CFAP300: variants seen among roughly 807,000 people sequenced by gnomAD.
CFAP300 encodes cilia and flagella associated protein 300.
In CFAP300, 32 loss-of-function variants were observed where a neutral mutation model predicts 33.0. The observed-to-expected ratio is 0.97, with a 90% CI of 0.73 to 1.30. CFAP300 has a LOEUF of 1.30. Among genes scored for constraint, CFAP300 ranks in the 50% most tolerant of loss-of-function variants. The probability of loss-of-function intolerance (pLI) is 0.00; values close to 1 mark genes in which losing one functional copy is unlikely to be tolerated. For synonymous variants in CFAP300, 102 were observed against 106.8 expected (o/e 0.95, Z 0.28); for missense variants, 356 against 318.1 (o/e 1.12, Z -0.90).
intron 4 of CFAP300, among the ~76,000 whole-genome samples, chr11:102,067,426 T>C (rs934417536): frequency 4.6e-5 from 7 of 152,156 alleles, no homozygotes; most frequent in Non-Finnish European, 8.8e-5. Context: ...TCATTGCTAA[T>C]ATCAACAAAG....
At chr11:102,047,750 G>C (rs1941904252) in intron 1 of CFAP300, 65 bp from the exon 2 acceptor site, 7 of 1,570,024 alleles carry the variant, frequency 4.5e-6, no homozygotes, top group Non-Finnish European at 6.1e-6. Context: ...GGGTGGGATC[G>C]GTTATCGGTG....
Position 102,058,890 on chromosome 11 carries a change from A to G in CFAP300, c.203A>G (p.Lys68Arg), listed in dbSNP as rs772084476. The change falls in exon 3 of 7, where the codon AAA becomes AGA. Residue 68 changes from lysine (K) to arginine (R), a missense_variant. Physicochemically the swap from Lys to Arg is conservative, Grantham distance 26 (BLOSUM62 2). Transcript: ENST00000434758. Reference sequence around the variant, plus strand: ...AAATTTGTATTTTAGGCTTTTTTCAAAGACCCAAATGTTATTCCCAATTTG... The same window carrying G: ...AAATTTGTATTTTAGGCTTTTTTCAGAGACCCAAATGTTATTCCCAATTTG... ...RKDDFVMAFF[K>R]DPNVIPNLKL... 2 of 1,576,858 alleles carry G rather than the reference A, an allele frequency of 1.3e-6. No individual in the cohort carries two copies. The highest frequency in any genetic ancestry group is 2.7e-5 in the African/African-American group (2 of 73,650).
At chr11:102,078,847 T>C (rs1183734891) in intron 5 of CFAP300, among the ~76,000 whole-genome samples, 1 of 152,220 alleles carries the variant, frequency 6.6e-6, no homozygotes, top group Non-Finnish European at 1.5e-5. Flanking sequence ...TAACTGGGAC[T>C]ACAGGCGCAT....
At chr11:102,055,920 C>T (rs1209730497) in intron 2 of CFAP300, among the ~76,000 whole-genome samples, 4 of 152,010 alleles carry the variant, frequency 2.6e-5, no homozygotes, top group Admixed American at 1.3e-4. Flanking sequence ...CCGCCCGCCT[C>T]GGCCTCCCAA....
chr11:102,080,520 C>T (rs546054922), intron 5 of CFAP300, among the ~76,000 whole-genome samples: 44 of 152,088 alleles, frequency 2.9e-4, no homozygotes, highest in East Asian at 1.5e-3. Flanking sequence ...CAGGTTCAAG[C>T]GATTCTTCTG....
chr11:102,052,694 A>G (rs1941989003), intron 2 of CFAP300, among the ~76,000 whole-genome samples: 1 of 152,186 alleles, frequency 6.6e-6, no homozygotes, highest in African/African-American at 2.4e-5. Flanking sequence ...GAGGAATCCA[A>G]GGAGTCATCT....
At chr11:102,075,192 C>T (rs1010573922) in intron 4 of CFAP300, among the ~76,000 whole-genome samples, 1 of 152,122 alleles carries the variant, frequency 6.6e-6, no homozygotes, top group Non-Finnish European at 1.5e-5. Flanking sequence ...CCTTTTTATA[C>T]CCACTACAAT....
chr11:102,083,198 A>G lies in CFAP300; in HGVS notation c.803A>G (p.Ter268=). ...TGTTATGGTGTGGGAGACATGTCTT[A>G]ATGTTCTTTCAGATTATGTACCTCT... is the stretch of plus-strand genomic sequence containing the variant. The part of the protein sequence containing the change: ...YHCYGVGDMS[*] Residue 268 remains the stop codon, a stop_retained_variant, in exon 7 of 7, where the codon TAA becomes TGA. Transcript: ENST00000434758. 6.7e-7 allele frequency: 1 copy of G among 1,485,578 alleles called. No individual in the cohort carries two copies. Among genetic ancestry groups the G allele is most frequent in the Non-Finnish European group, 9.0e-7 (1 of 1,110,294 alleles). 92.0% of individuals were successfully genotyped at this position (1,485,578 alleles called of 1,614,324 possible). A position where few individuals can be genotyped will look rare whatever the true frequency, so the allele number is the denominator to read the frequency against.
chr11:102,050,087 A>G (rs1390907608), intron 2 of CFAP300, among the ~76,000 whole-genome samples: 1 of 152,024 alleles, frequency 6.6e-6, no homozygotes, highest in Non-Finnish European at 1.5e-5. Flanking sequence ...CTATGATCGC[A>G]CCTCTGCACC....
At chr11:102,068,513 G>A (rs1342645115) in intron 4 of CFAP300, among the ~76,000 whole-genome samples, 1 of 152,182 alleles carries the variant, frequency 6.6e-6, no homozygotes, top group African/African-American at 2.4e-5. Context: ...ATGGCTGGGC[G>A]TGGTGGCTTA....
Position 102,077,114 on chromosome 11 carries a change from G to A in CFAP300, c.608+1069G>A, listed in dbSNP as rs138691265. ...CACACACACACACGCACTCATGCAC[G>A]TACACACATACTACTACCACTACTA... On this transcript the variant is annotated intron_variant, in intron 5 of 6. Coordinates refer to ENST00000434758, the MANE Select transcript of CFAP300 (RefSeq NM_032930.3). Among the ~76,000 whole-genome samples the A allele has an allele frequency of 6.0e-3, 912 of 151,868 alleles. 5 individuals carry two copies. Among genetic ancestry groups the A allele is most frequent in the Non-Finnish European group, 0.011 (758 of 67,928 alleles).
intron 5 of CFAP300, among the ~76,000 whole-genome samples, chr11:102,080,664 T>G (rs574995554): frequency 3.3e-5 from 5 of 152,296 alleles, no homozygotes; most frequent in Non-Finnish European, 7.4e-5. Flanking sequence ...CCTCCCAAAG[T>G]GCTGAGATTA....
chr11:102,079,789 G>T (rs1942448637), intron 5 of CFAP300, among the ~76,000 whole-genome samples: 1 of 152,138 alleles, frequency 6.6e-6, no homozygotes, highest in Non-Finnish European at 1.5e-5. Context: ...GAGTGTATAG[G>T]TCTGGGATGA....
intron 2 of CFAP300, among the ~76,000 whole-genome samples, chr11:102,056,053 A>G (rs2135018326): frequency 6.6e-6 from 1 of 152,254 alleles, no homozygotes; most frequent in African/African-American, 2.4e-5. Context: ...TTTATTTAGT[A>G]AGTGCTATAT....
chr11:102,069,579 G>A (rs1942279217), intron 4 of CFAP300, among the ~76,000 whole-genome samples: 2 of 152,104 alleles, frequency 1.3e-5, no homozygotes, highest in Admixed American at 6.6e-5. Flanking sequence ...GAGGCGGGTG[G>A]ATCACTTGAG....
At chr11:102,058,627 T>G (rs1942094489) in intron 2 of CFAP300, among the ~76,000 whole-genome samples, 1 of 151,002 alleles carries the variant, frequency 6.6e-6, no homozygotes, top group Admixed American at 6.7e-5. Flanking sequence ...AACCTCCTAA[T>G]GTTTACTCTA....
At position 102,077,900 on chromosome 11, in the gene CFAP300, A is replaced by AT. The variant is rs200306757; in HGVS notation, c.608+1863dup. On this transcript the variant is annotated intron_variant, in intron 5 of 6. Coordinates refer to ENST00000434758, the MANE Select transcript of CFAP300 (RefSeq NM_032930.3). ...TATTTTATTTATTTTTTATCTTTTT[A>AT]TTTTTTTTGAGACAGGGTCTCACTC... Among the ~76,000 whole-genome samples, 485 of 150,308 alleles carry AT rather than the reference A, an allele frequency of 3.2e-3. 2 individuals carry two copies. Among genetic ancestry groups the AT allele is most frequent in the African/African-American group, 0.011 (442 of 40,870 alleles).
At chr11:102,066,277 G>T (rs994102252) in intron 3 of CFAP300, among the ~76,000 whole-genome samples, 1 of 151,920 alleles carries the variant, frequency 6.6e-6, no homozygotes, top group Non-Finnish European at 1.5e-5. Flanking sequence ...GCCTGACCTT[G>T]TTATAAACTC....
intron 4 of CFAP300, among the ~76,000 whole-genome samples, chr11:102,072,722 T>C (rs1942332553): frequency 6.6e-6 from 1 of 152,262 alleles, no homozygotes; most frequent in South Asian, 2.1e-4. Flanking sequence ...TCATATTTCT[T>C]GTGTCCTTAT....
Sources: gnomAD v4.1 joint callset for allele counts (sites outside exome capture counted in the v4.1 genomes callset) on GRCh38, gnomAD v4.1.1 for gene constraint, MANE v1.5 for transcripts, NCBI Gene and HGNC (gene_info 2026-07-23, HGNC 2026-07-21) for gene names.